The following RBM43 variants were observed in gnomAD, a reference collection of about 807,000 sequenced individuals.
The protein encoded by RBM43 is RNA binding motif protein 43.
RBM43 carries 12 observed loss-of-function variants against 12.4 expected under a neutral mutation model. The observed-to-expected ratio is 0.97, with a 90% CI of 0.62 to 1.57. The LOEUF is 1.57. RBM43 is among the 40% of genes most tolerant of loss of function. The pLI, the probability that RBM43 is intolerant of heterozygous loss-of-function variation, is 0.00. For synonymous variants in RBM43, 138 were observed against 145.7 expected (o/e 0.95, Z 0.38); for missense variants, 348 against 400.1 (o/e 0.87, Z 1.11).
In RBM43 at chr2:151,254,718, AGTCAGG is replaced by A. The variant is rs575576963; in HGVS notation, c.214+809_214+814del. ...GCCAACCCAACTTCCTCACCATCTA[AGTCAGG>A]GATTGGGTGCAGGGAGCAGAATGGC... On this transcript the variant is annotated intron_variant, in intron 2 of 3. Transcript: ENST00000331426. Among the ~76,000 whole-genome samples the A allele has an allele frequency of 1.1e-4, 16 of 152,274 alleles. No individual in the cohort carries two copies. In the South Asian group the frequency reaches 1.9e-3, roughly 18 times the overall value.
intron 1 of RBM43, among the ~76,000 whole-genome samples, chr2:151,260,426 A>G (rs886244431): frequency 1.8e-4 from 27 of 152,290 alleles, no homozygotes; most frequent in African/African-American, 6.0e-4. Flanking sequence ...AATATCAAAG[A>G]AAAACATGCA....
intron 1 of RBM43, among the ~76,000 whole-genome samples, 154 bp from the exon 2 acceptor site, chr2:151,255,897 TG>T (rs1682966131): frequency 6.6e-6 from 1 of 152,208 alleles, no homozygotes; most frequent in South Asian, 2.1e-4. Flanking sequence ...AGTAAATCCT[TG>T]CCTCACACCA....
intron 3 of RBM43, 148 bp downstream of exon 3, chr2:151,252,607 G>T (rs1682917391): frequency 2.0e-6 from 1 of 509,092 alleles, no homozygotes; most frequent in Non-Finnish European, 3.5e-6. Flanking sequence ...AAGGGCCAGG[G>T]TTGGCCTTTA....
At chr2:151,256,222 A>T (rs1319918257) in intron 1 of RBM43, among the ~76,000 whole-genome samples, 2 of 152,144 alleles carry the variant, frequency 1.3e-5, no homozygotes, top group African/African-American at 4.8e-5. Flanking sequence ...CAGCCACTCT[A>T]AGTGCTGGGA....
chr2:151,260,248 CCCCAGTAGCTGAGACTA>C (rs1683030090), intron 1 of RBM43, among the ~76,000 whole-genome samples: 2 of 151,722 alleles, frequency 1.3e-5, no homozygotes, highest in South Asian at 4.1e-4. Flanking sequence ...ACCTCAGCCT[CCCCAGTAGCTGAGACTA>C]CAGGTGGATG....
At position 151,255,063 on chromosome 2, in the gene RBM43, C is replaced by A. The variant is rs1482953167; in HGVS notation, c.214+470G>T. Among the ~76,000 whole-genome samples the A allele has an allele frequency of 2.0e-5, 3 of 152,174 alleles. No individual in the cohort carries two copies. In the East Asian group the frequency reaches 5.8e-4, roughly 29 times the overall value. Reference sequence around the variant, plus strand: ...ACTTTATCATGAGCCATTTTCATATCTTTTCTTCCTAAAGCAATATCGTGC... The same window carrying A: ...ACTTTATCATGAGCCATTTTCATATATTTTCTTCCTAAAGCAATATCGTGC... On this transcript the variant is annotated intron_variant, in intron 2 of 3. Transcript: ENST00000331426.
At chr2:151,257,093 C>T (rs1682984404) in intron 1 of RBM43, among the ~76,000 whole-genome samples, 1 of 152,154 alleles carries the variant, frequency 6.6e-6, no homozygotes, top group African/African-American at 2.4e-5. Flanking sequence ...TTATAAGCTT[C>T]TCCCAATTTT....
At chr2:151,256,032 G>C (rs1342441808) in intron 1 of RBM43, among the ~76,000 whole-genome samples, 1 of 152,118 alleles carries the variant, frequency 6.6e-6, no homozygotes, top group Non-Finnish European at 1.5e-5. Context: ...TATGATCTCA[G>C]CTCGCTACAA....
In RBM43 at chr2:151,251,490, C is replaced by T; in HGVS notation, c.490G>A (p.Glu164Lys). 2 of 1,614,198 alleles carry T rather than the reference C, an allele frequency of 1.2e-6. No individual in the cohort carries two copies. Among genetic ancestry groups the T allele is most frequent in the Admixed American group, 1.7e-5 (1 of 60,022 alleles). The change falls in exon 4 of 4, where the codon GAA becomes AAA. Residue 164 changes from glutamate to lysine, a missense_variant. Glu to Lys is a moderately conservative substitution (Grantham distance 56, BLOSUM62 1). Transcript: ENST00000331426. ...GAACATGCTCTTGCTAGCAAAGATTCTCTGAGCCTCTTGACAGCCAGAAAT... is the reference window on the plus strand; with the variant it reads ...GAACATGCTCTTGCTAGCAAAGATTTTCTGAGCCTCTTGACAGCCAGAAAT... Reference protein sequence around the residue: ...GSFLAVKRLRESLLARACSLL... With the variant: ...GSFLAVKRLRKSLLARACSLL...
At chr2:151,260,982 G>T in intron 1 of RBM43, 1 of 379,694 alleles carries the variant, frequency 2.6e-6, no homozygotes, top group Non-Finnish European at 5.0e-6. Context: ...TTCATTGACT[G>T]CATTTGTTTA....
intron 2 of RBM43, 70 bp from the exon 3 acceptor site, chr2:151,252,925 C>A: frequency 1.5e-6 from 1 of 663,118 alleles, no homozygotes; most frequent in South Asian, 2.2e-5. Context: ...TAAAAATAGG[C>A]ATATTCAATT....
intron 1 of RBM43, chr2:151,261,099 C>T: frequency 1.2e-6 from 1 of 858,146 alleles, no homozygotes; most frequent in Non-Finnish European, 1.7e-6. Context: ...TCTAGCATTT[C>T]AGAGCAGGAA....
At chr2:151,255,881 T>C in intron 1 of RBM43, 138 bp from the exon 2 acceptor site, 1 of 639,570 alleles carries the variant, frequency 1.6e-6, no homozygotes, top group Non-Finnish European at 2.7e-6. Context: ...AAAAGGGGTG[T>C]AGGGGAGTAA....
chr2:151,254,022 T>A (rs923030263), intron 2 of RBM43, among the ~76,000 whole-genome samples: 4 of 152,222 alleles, frequency 2.6e-5, no homozygotes, highest in African/African-American at 9.7e-5. Flanking sequence ...TCTATCCCTT[T>A]ATTCTTCTTT....
In RBM43 at chr2:151,251,404, G is replaced by C. The variant is rs1381000086; in HGVS notation, c.576C>G (p.Pro192=). The C allele has an allele frequency of 4.3e-6, 7 of 1,614,034 alleles. No individual in the cohort carries two copies. The Admixed American group carries it at 1.2e-4, about 27-fold the overall frequency. ...SEERKWNRQN[P]QRNLQRSNNS... is the part of the protein sequence containing the mutation. The stretch of plus-strand genomic sequence containing the variant: ...TATTACTTCTCTGTAGATTCCTCTG[G>C]GGATTTTGTCTATTCCACTTTCTCT... The change falls in exon 4 of 4, where the codon CCC becomes CCG. Residue 192 remains proline, a synonymous_variant. Coordinates refer to ENST00000331426, the MANE Select transcript of RBM43 (RefSeq NM_198557.3).
Position 151,261,846 on chromosome 2 carries a change from G to T in RBM43, c.-119C>A. 1 of 1,220,824 alleles carries T rather than the reference G, an allele frequency of 8.2e-7. No homozygotes were observed. Among genetic ancestry groups the T allele is most frequent in the Non-Finnish European group, 1.1e-6 (1 of 870,632 alleles). 75.6% of individuals were successfully genotyped at this position (1,220,824 alleles called of 1,614,324 possible). On this transcript the variant is annotated 5_prime_UTR_variant, in exon 1 of 4. Transcript: ENST00000331426. Reference sequence around the variant, plus strand: ...TTCGTTTTTTGTTCCAGCTCCCTTGGAGGCTACGAAGAAAAGGGCGGTCCT... The same window carrying T: ...TTCGTTTTTTGTTCCAGCTCCCTTGTAGGCTACGAAGAAAAGGGCGGTCCT...
intron 1 of RBM43, chr2:151,260,941 TGTAA>T: frequency 6.5e-6 from 2 of 307,820 alleles, no homozygotes; most frequent in Non-Finnish European, 1.3e-5. Flanking sequence ...ACTTTACTTT[TGTAA>T]GTAAGGCATT....
chr2:151,254,903 C>T (rs1250541783), intron 2 of RBM43, among the ~76,000 whole-genome samples: 1 of 152,172 alleles, frequency 6.6e-6, no homozygotes, highest in Non-Finnish European at 1.5e-5. Flanking sequence ...GATTATATAT[C>T]ATCTTTGTGG....
chr2:151,252,787 CTG>C lies in RBM43; in HGVS notation c.281_282del (p.Thr94SerfsTer10), dbSNP rs1682921700. 1.2e-6 allele frequency: 2 copies of C among 1,609,662 alleles called. No individual in the cohort carries two copies. The highest frequency in any genetic ancestry group is 1.7e-6 in the Non-Finnish European group (2 of 1,176,106). ...LARKTRHAELTVSLRVSHFGD... is the reference protein window; with the variant it reads ...LARKTRHAELXVSLRVSHFGD... Reference sequence around the variant, plus strand: ...CCAAAATGAGAGACTCTGAGAGAGACTGTGAGTTCAGCATGTCTAGTCTTCCT... The same window carrying C: ...CCAAAATGAGAGACTCTGAGAGAGACTGAGTTCAGCATGTCTAGTCTTCCT... On this transcript the variant is annotated frameshift_variant, in exon 3 of 4. Coordinates refer to ENST00000331426, the MANE Select transcript of RBM43 (RefSeq NM_198557.3). LOFTEE classifies it low-confidence loss of function (END_TRUNC).
Sources: allele counts gnomAD v4.1 joint callset (sites outside exome capture counted in the v4.1 genomes callset), GRCh38; gene constraint gnomAD v4.1.1; transcripts MANE v1.5; gene names NCBI Gene and HGNC (gene_info 2026-07-23, HGNC 2026-07-21).